Variants in CSK observed in about 807,000 individuals in gnomAD.
The protein encoded by CSK is C-terminal Src kinase.
Under a neutral mutation model 62.3 loss-of-function variants are expected in CSK, and 7 were observed. That is an observed-to-expected ratio of 0.11 (90% CI 0.06 to 0.21). CSK has a LOEUF of 0.21. Among genes scored for constraint, CSK ranks in the 10% least tolerant of loss-of-function variants. The pLI, the probability that CSK is intolerant of heterozygous loss-of-function variation, is 1.00. For synonymous variants in CSK, 237 were observed against 246.0 expected, an observed-to-expected ratio of 0.96 and a Z score of 0.34; for missense variants, 294 against 613.5, an observed-to-expected ratio of 0.48 and a Z score of 5.50.
At chr15:74,784,028 C>G (rs1308534146) in intron 1 of CSK, among the ~76,000 whole-genome samples, 1 of 152,174 alleles carries the variant, frequency 6.6e-6, no homozygotes, top group Non-Finnish European at 1.5e-5. Flanking sequence ...GTTCCAGTGT[C>G]TTTCTTGGTT....
chr15:74,795,249 G>A (rs1596370626), intron 1 of CSK, among the ~76,000 whole-genome samples: 1 of 152,100 alleles, frequency 6.6e-6, no homozygotes, highest in African/African-American at 2.4e-5. Context: ...TGCAGTCCGT[G>A]CCTACTTCAC....
intron 1 of CSK, chr15:74,797,889 C>G (rs2063730864): frequency 5.6e-6 from 1 of 179,570 alleles, no homozygotes; most frequent in Admixed American, 5.5e-5. Context: ...CTTCTCAGAG[C>G]TGCTCCGGGG....
intron 5 of CSK, 114 bp downstream of exon 5, chr15:74,799,605 G>A: frequency 8.9e-7 from 1 of 1,119,148 alleles, no homozygotes; most frequent in Non-Finnish European, 1.3e-6. Flanking sequence ...GCCATGTGGG[G>A]CAACTTCTGT....
At chr15:74,796,808 T>G (rs2063713926) in intron 1 of CSK, among the ~76,000 whole-genome samples, 1 of 152,128 alleles carries the variant, frequency 6.6e-6, no homozygotes, top group Non-Finnish European at 1.5e-5. Context: ...TTCCTTCCAG[T>G]CTCCCTGTCC....
chr15:74,800,819 C>T lies in CSK; in HGVS notation c.623-4C>T. On this transcript the variant is annotated splice_region_variant and splice_polypyrimidine_tract_variant and intron_variant, in intron 7 of 12. Transcript: ENST00000220003. ...TGGGAACAAGACCACCTCTCTGCCC[C>T]CAGACGTGATGCTGGGCGATTACCG... 2 of 1,610,908 alleles carry T rather than the reference C, an allele frequency of 1.2e-6. No individual in the cohort carries two copies. The highest frequency in any genetic ancestry group is 1.7e-6 in the Non-Finnish European group (2 of 1,178,684).
At position 74,797,685 on chromosome 15, in the gene CSK, T is replaced by C. The variant is rs539651790; in HGVS notation, c.-65-548T>C. ...GATCGGCATCTGGGCAGCTCCCAGT[T>C]TGAGGTTTATTACAAAGCATGCCAC... On this transcript the variant is annotated intron_variant, in intron 1 of 12. Transcript: ENST00000220003. Among the ~76,000 whole-genome samples the C allele has an allele frequency of 1.6e-4, 24 of 152,166 alleles. No individual in the cohort carries two copies. The South Asian group carries it at 4.2e-3, about 26-fold the overall frequency.
chr15:74,798,615 G>A lies in CSK; in HGVS notation c.16G>A (p.Ala6Thr). Residue 6 changes from alanine (A) to threonine (T), a missense_variant and splice_region_variant, in exon 3 of 13, where the codon GCC (alanine) becomes ACC (threonine). By Grantham distance (58) the Ala-to-Thr change is moderately conservative. This residue lies in a region of CSK where 202 missense variants were observed against 415.7 expected (regional missense o/e 0.49). Coordinates refer to ENST00000220003, the MANE Select transcript of CSK (RefSeq NM_004383.3). The surrounding 1 kb of genome is among the most constrained non-coding windows in gnomAD (Gnocchi z 6.6). Reference sequence around the variant, plus strand: ...CGCCCACGTGTCACCTGCCTTGCAGGCCGCCTGGCCATCCGGTACAGAATG... The same window carrying A: ...CGCCCACGTGTCACCTGCCTTGCAGACCGCCTGGCCATCCGGTACAGAATG... MSAIQ[A>T]AWPSGTECIA... 6.2e-7 allele frequency: 1 copy of A among 1,613,080 alleles called. No individual in the cohort carries two copies. Among genetic ancestry groups the A allele is most frequent in the Non-Finnish European group, 8.5e-7 (1 of 1,179,864 alleles).
In CSK at chr15:74,799,446, C is replaced by T; in HGVS notation, c.417C>T (p.Ser139=). Residue 139 remains serine (S), a synonymous_variant, in exon 5 of 13, where the codon AGC becomes AGT. Transcript: ENST00000220003. ...YRIMYHASKL[S]IDEEVYFENL... ...TCATGTACCATGCCAGCAAGCTCAG[C>T]ATCGACGAGGAGGTGTACTTTGAGA... 3 of 1,613,500 alleles carry T rather than the reference C, an allele frequency of 1.9e-6. No homozygotes were observed. Among genetic ancestry groups the T allele is most frequent in the Non-Finnish European group, 2.5e-6 (3 of 1,180,010 alleles).
chr15:74,797,967 C>T (rs1290923181), intron 1 of CSK: 1 of 257,158 alleles, frequency 3.9e-6, no homozygotes, highest in Non-Finnish European at 7.5e-6. Context: ...CATTGTCCCA[C>T]TAGCCCCCTT....
In CSK at chr15:74,782,529, C is replaced by G. The variant is rs1213766632; in HGVS notation, c.-257C>G. ...CCCCCGCCTTTCTTCCCTCCGCGAC[C>G]CGGGCCGTGCGTCCGTCCCCCTGCC... is the stretch of plus-strand genomic sequence containing the variant. On this transcript the variant is annotated 5_prime_UTR_variant, in exon 1 of 13. Coordinates refer to ENST00000220003, the MANE Select transcript of CSK (RefSeq NM_004383.3). This position sits in a 1 kb window ranked among gnomAD's most constrained non-coding sequence, Gnocchi z 5.7. 6.6e-6 allele frequency: 1 copy of G among 151,914 alleles called. No homozygotes were observed. The allele number at this position is 151,914 out of a possible 1,614,324, so 9.4% of individuals were successfully genotyped here. A position where few individuals can be genotyped will look rare whatever the true frequency, so the allele number is the denominator to read the frequency against.
In CSK at chr15:74,782,988, G is replaced by A. The variant is rs2063459893; in HGVS notation, c.-66+268G>A. On this transcript the variant is annotated intron_variant, in intron 1 of 12. Transcript: ENST00000220003. The surrounding 1 kb of genome is among the most constrained non-coding windows in gnomAD (Gnocchi z 5.7). The stretch of plus-strand genomic sequence containing the variant: ...CATCCCGAGTCCCCCCCTCTGTGGA[G>A]CTCAGAGTAGGAGGTGGCTGGAGTC... Among the ~76,000 whole-genome samples, 1 of 152,244 alleles carries A rather than the reference G, an allele frequency of 6.6e-6. No individual in the cohort carries two copies. The highest frequency in any genetic ancestry group is 2.1e-4 in the South Asian group (1 of 4,834).
intron 1 of CSK, among the ~76,000 whole-genome samples, chr15:74,788,028 G>C (rs2063551217): frequency 6.6e-6 from 1 of 152,226 alleles, no homozygotes; most frequent in Admixed American, 6.5e-5. Context: ...GCTGGTAGGA[G>C]CTCTGAAGCT....
rs1026779205 is a variant in CSK, at chr15:74,782,979, C to A, written c.-66+259C>A. Among the ~76,000 whole-genome samples the A allele has an allele frequency of 6.6e-6, 1 of 152,254 alleles. No individual in the cohort carries two copies. The highest frequency in any genetic ancestry group is 1.5e-5 in the Non-Finnish European group (1 of 68,034). On this transcript the variant is annotated intron_variant, in intron 1 of 12. Coordinates refer to ENST00000220003, the MANE Select transcript of CSK (RefSeq NM_004383.3). The surrounding 1 kb of genome is among the most constrained non-coding windows in gnomAD (Gnocchi z 5.7). ...TTCTCGGGTCATCCCGAGTCCCCCCCTCTGTGGAGCTCAGAGTAGGAGGTG... is the reference window on the plus strand; with the variant it reads ...TTCTCGGGTCATCCCGAGTCCCCCCATCTGTGGAGCTCAGAGTAGGAGGTG...
At chr15:74,801,485 G>A (rs773675209) in intron 9 of CSK, 37 bp from the exon 10 acceptor site, 337 of 1,592,686 alleles carry the variant, frequency 2.1e-4, no homozygotes, top group Middle Eastern at 2.0e-3. Context: ...TGCAGGGCAC[G>A]TCTGACCTCG....
chr15:74,786,041 G>A lies in CSK; in HGVS notation c.-66+3321G>A, dbSNP rs181064142. ...TGTGTGTGTGTGTGTGTGTGTGTGT[G>A]TGAGATGGAGTTTTGCTCTTGTTGC... On this transcript the variant is annotated intron_variant, in intron 1 of 12. Coordinates refer to ENST00000220003, the MANE Select transcript of CSK (RefSeq NM_004383.3). Among the ~76,000 whole-genome samples the A allele has an allele frequency of 8.7e-4, 104 of 119,156 alleles. 3 individuals carry two copies. The highest frequency in any genetic ancestry group is 5.6e-3 in the South Asian group (19 of 3,386). 78.2% of individuals were successfully genotyped at this position (119,156 alleles called of 152,430 possible). A position where few individuals can be genotyped will look rare whatever the true frequency, so the allele number is the denominator to read the frequency against.
Position 74,799,464 on chromosome 15 carries a change from C to T in CSK, c.435C>T (p.Tyr145=). Residue 145 remains tyrosine, a synonymous_variant, in exon 5 of 13, where the codon TAC becomes TAT. Coordinates refer to ENST00000220003, the MANE Select transcript of CSK (RefSeq NM_004383.3). The part of the protein sequence containing the change: ...ASKLSIDEEV[Y]FENLMQLVEH... Reference sequence around the variant, plus strand: ...AGCTCAGCATCGACGAGGAGGTGTACTTTGAGAACCTCATGCAGCTGGTGG... The same window carrying T: ...AGCTCAGCATCGACGAGGAGGTGTATTTTGAGAACCTCATGCAGCTGGTGG... 1.2e-6 allele frequency: 2 copies of T among 1,613,262 alleles called. No homozygotes were observed. The highest frequency in any genetic ancestry group is 2.2e-5 in the South Asian group (2 of 91,060).
rs1322061718 is a variant in CSK, at chr15:74,800,630, C to G, written c.557-51C>G. 3.9e-6 allele frequency: 6 copies of G among 1,537,154 alleles called. No homozygotes were observed. In the South Asian group the frequency reaches 7.2e-5, roughly 19 times the overall value. ...TGATAGTCCAGTCAGCCTCTGTCATCCCAGCCATGTCCCTAGTGGCCTCCA... is the reference window on the plus strand; with the variant it reads ...TGATAGTCCAGTCAGCCTCTGTCATGCCAGCCATGTCCCTAGTGGCCTCCA... On this transcript the variant is annotated intron_variant, in intron 6 of 12. Coordinates refer to ENST00000220003, the MANE Select transcript of CSK (RefSeq NM_004383.3).
chr15:74,800,323 C>A, intron 5 of CSK, 89 bp from the exon 6 acceptor site: 1 of 1,179,734 alleles, frequency 8.5e-7, no homozygotes, highest in African/African-American at 1.5e-5. Context: ...GCGGGGCTGG[C>A]CTCTGCCGCC....
In CSK at chr15:74,798,577, C is replaced by T. The variant is rs749131234; in HGVS notation, c.16-38C>T. The stretch of plus-strand genomic sequence containing the variant: ...TGCGCCAGCAGGTGGCTGGAGGGGG[C>T]CCAGGCTGCACCCGCCCACGTGTCA... On this transcript the variant is annotated intron_variant, in intron 2 of 12. Transcript: ENST00000220003. The surrounding 1 kb of genome is among the most constrained non-coding windows in gnomAD (Gnocchi z 6.6). 1.9e-6 allele frequency: 3 copies of T among 1,577,696 alleles called. No individual in the cohort carries two copies. The highest frequency in any genetic ancestry group is 2.6e-6 in the Non-Finnish European group (3 of 1,149,952).
Sources: gnomAD v4.1 joint callset for allele counts (sites outside exome capture counted in the v4.1 genomes callset) on GRCh38, gnomAD v4.1.1 for gene constraint, gnomAD v4.1.1 regional missense constraint, Gnocchi (gnomAD v3.1) non-coding constraint, MANE v1.5 for transcripts, NCBI Gene and HGNC (gene_info 2026-07-23, HGNC 2026-07-21) for gene names.